Variants in PPP2R2B observed in about 807,000 individuals in gnomAD.
PPP2R2B encodes protein phosphatase 2 regulatory subunit Bbeta, also known as serine/threonine-protein phosphatase 2A 55 kDa regulatory subunit B beta isoform.
In PPP2R2B, 5 loss-of-function variants were observed where a neutral mutation model predicts 46.0. The ratio of observed to expected loss-of-function variants is 0.11; its 90% CI spans 0.06 to 0.23. The LOEUF is 0.23. Ranked by LOEUF, PPP2R2B falls within the 10% of genes least tolerant of loss-of-function variation. PPP2R2B has a pLI of 1.00. For synonymous variants in PPP2R2B, 215 were observed against 206.7 expected, an observed-to-expected ratio of 1.04 and a Z score of -0.34; for missense variants, 367 against 575.0, an observed-to-expected ratio of 0.64 and a Z score of 3.70.
chr5:147,063,523 T>C (rs375721276), intron 2 of PPP2R2B, among the ~76,000 whole-genome samples: 1 of 152,334 alleles, frequency 6.6e-6, no homozygotes, highest in East Asian at 1.9e-4. Flanking sequence ...ATTCAGTGTA[T>C]ATAATGCCTC....
At chr5:147,003,842 A>G (rs1206882814) in intron 1 of PPP2R2B, among the ~76,000 whole-genome samples, 1 of 152,108 alleles carries the variant, frequency 6.6e-6, no homozygotes, top group East Asian at 1.9e-4. Context: ...ACCTTCCTCG[A>G]GTGGCTATGG....
At chr5:146,608,249 T>C (rs939424489) in intron 7 of PPP2R2B, among the ~76,000 whole-genome samples, 10 of 152,116 alleles carry the variant, frequency 6.6e-5, no homozygotes, top group African/African-American at 2.4e-4. Context: ...CATGAGATCA[T>C]GTAGAAGGGC....
chr5:147,046,852 CT>C (rs1458430973), intron 1 of PPP2R2B, among the ~76,000 whole-genome samples: 2 of 152,136 alleles, frequency 1.3e-5, no homozygotes, highest in African/African-American at 4.8e-5. Context: ...AAACTTGAGT[CT>C]GCGTCCTCCC....
intron 2 of PPP2R2B, among the ~76,000 whole-genome samples, chr5:146,810,338 G>A (rs983284612): frequency 1.3e-4 from 20 of 152,100 alleles, no homozygotes; most frequent in African/African-American, 2.9e-4. Flanking sequence ...AATGAGAGCC[G>A]AGTGAAAGGA....
chr5:146,870,780 G>C (rs1211214622), intron 2 of PPP2R2B, among the ~76,000 whole-genome samples: 1 of 151,928 alleles, frequency 6.6e-6, no homozygotes, highest in East Asian at 1.9e-4. Flanking sequence ...CTTACACACA[G>C]ACCCCCACCC....
intron 1 of PPP2R2B, among the ~76,000 whole-genome samples, chr5:146,933,740 G>A (rs573603758): frequency 9.4e-5 from 14 of 148,984 alleles, no homozygotes; most frequent in Middle Eastern, 3.5e-3. Context: ...GTGCAGGTTC[G>A]TTACATATGT....
intron 1 of PPP2R2B, among the ~76,000 whole-genome samples, chr5:147,032,521 C>A (rs1373390321): frequency 1.3e-5 from 2 of 151,860 alleles, no homozygotes; most frequent in South Asian, 2.1e-4. Context: ...CTCCCTCTTT[C>A]CCCCGAGTCC....
chr5:147,062,679 T>A (rs745658846), intron 2 of PPP2R2B, among the ~76,000 whole-genome samples: 12 of 152,002 alleles, frequency 7.9e-5, no homozygotes, highest in Non-Finnish European at 1.8e-4. Context: ...CCCTACTGTC[T>A]AGTACAGGAC....
chr5:146,940,036 G>T (rs1477648640), intron 1 of PPP2R2B, among the ~76,000 whole-genome samples: 2 of 152,164 alleles, frequency 1.3e-5, no homozygotes, highest in Non-Finnish European at 2.9e-5. Flanking sequence ...ATGTATGGCA[G>T]TTGTAACCTA....
At chr5:146,891,741 A>G (rs1762497367) in intron 1 of PPP2R2B, among the ~76,000 whole-genome samples, 1 of 152,236 alleles carries the variant, frequency 6.6e-6, no homozygotes, top group South Asian at 2.1e-4. Context: ...GTAAAAATGT[A>G]GAGGCATCTA....
At chr5:146,689,886 C>A (rs181532874) in intron 5 of PPP2R2B, among the ~76,000 whole-genome samples, 1 of 152,178 alleles carries the variant, frequency 6.6e-6, no homozygotes, top group South Asian at 2.1e-4. Context: ...AGAAGCAGCT[C>A]AACTGAAGAC....
chr5:146,839,908 T>C (rs995262655), intron 2 of PPP2R2B, among the ~76,000 whole-genome samples: 10 of 152,220 alleles, frequency 6.6e-5, no homozygotes, highest in African/African-American at 2.4e-4. Context: ...CCTTAGGGTA[T>C]GAGGAAGAGC....
chr5:146,687,331 A>G (rs1778571160), intron 5 of PPP2R2B, among the ~76,000 whole-genome samples: 2 of 152,098 alleles, frequency 1.3e-5, no homozygotes, highest in Non-Finnish European at 2.9e-5. Context: ...CCCAGAGCAA[A>G]GTAGATCAAA....
chr5:146,616,902 T>G (rs995281594), intron 7 of PPP2R2B: 1 of 152,196 alleles, frequency 6.6e-6, no homozygotes, highest in East Asian at 1.9e-4. Context: ...ATCAGTATAC[T>G]GAAGAAGTAT....
At chr5:146,822,857 C>T (rs763533993) in intron 2 of PPP2R2B, among the ~76,000 whole-genome samples, 8 of 152,108 alleles carry the variant, frequency 5.3e-5, no homozygotes, top group Admixed American at 2.0e-4. Context: ...TAAGTCTTTC[C>T]GTGCCTTTGT....
intron 6 of PPP2R2B, among the ~76,000 whole-genome samples, chr5:146,644,212 AC>A (rs1775419539): frequency 6.8e-6 from 1 of 146,740 alleles, no homozygotes; most frequent in African/African-American, 2.5e-5. Flanking sequence ...AGGAACCTGA[AC>A]TTCTTCCCTT....
intron 1 of PPP2R2B, among the ~76,000 whole-genome samples, chr5:146,910,062 T>C (rs904244928): frequency 2.0e-5 from 3 of 152,208 alleles, no homozygotes; most frequent in Admixed American, 1.3e-4. Context: ...CTGAATAATG[T>C]TGAGATAGTC....
At chr5:146,747,681 G>T (rs900527863) in intron 2 of PPP2R2B, among the ~76,000 whole-genome samples, 1 of 152,308 alleles carries the variant, frequency 6.6e-6, no homozygotes, top group Non-Finnish European at 1.5e-5. Flanking sequence ...CAAGGTTTGG[G>T]AAGTGGTACA....
At chr5:146,918,213 G>A (rs1306300744) in intron 1 of PPP2R2B, among the ~76,000 whole-genome samples, 1 of 152,212 alleles carries the variant, frequency 6.6e-6, no homozygotes, top group Non-Finnish European at 1.5e-5. Context: ...GAGAAGCAAA[G>A]AAACAGGAGG....
Sources: allele counts gnomAD v4.1 joint callset (sites outside exome capture counted in the v4.1 genomes callset), GRCh38; gene constraint gnomAD v4.1.1; transcripts MANE v1.5; gene names NCBI Gene and HGNC (gene_info 2026-07-23, HGNC 2026-07-21).